The following NEK6 variants were observed in gnomAD, a reference collection of about 807,000 sequenced individuals.
The protein encoded by NEK6 is serine/threonine-protein kinase Nek6.
NEK6 carries 27 observed loss-of-function variants against 43.5 expected under a neutral mutation model. The ratio of observed to expected loss-of-function variants is 0.62; its 90% CI spans 0.46 to 0.86. The LOEUF (loss-of-function observed/expected upper bound fraction) is 0.86, where lower values mean the gene tolerates loss of function less well. Among genes scored for constraint, NEK6 ranks in the 40% least tolerant of loss-of-function variants. NEK6 has a pLI of 0.00. For missense variants in NEK6, 318 were observed against 414.4 expected (o/e 0.77, Z 2.02); for synonymous variants, 167 against 164.1 (o/e 1.02, Z -0.14).
chr9:124,262,507 AT>A (rs1831071571), intron 1 of NEK6, among the ~76,000 whole-genome samples: 1 of 152,156 alleles, frequency 6.6e-6, no homozygotes, highest in Non-Finnish European at 1.5e-5. Flanking sequence ...CCAATTCTGG[AT>A]TTTTCCACAG....
chr9:124,334,174 A>G (rs1829173703), intron 7 of NEK6, among the ~76,000 whole-genome samples: 2 of 152,204 alleles, frequency 1.3e-5, no homozygotes, highest in Non-Finnish European at 2.9e-5. Flanking sequence ...CACTCCTGCA[A>G]GGTCCCAGCA....
At chr9:124,304,214 G>A (rs890139624) in intron 2 of NEK6, among the ~76,000 whole-genome samples, 29 of 152,364 alleles carry the variant, frequency 1.9e-4, no homozygotes, top group Non-Finnish European at 3.1e-4. Context: ...TGAAGCCTTG[G>A]GGATTTAAAC....
intron 1 of NEK6, among the ~76,000 whole-genome samples, chr9:124,270,908 G>A (rs575098381): frequency 4.6e-5 from 7 of 152,358 alleles, no homozygotes; most frequent in East Asian, 1.9e-4. Flanking sequence ...TCCCTTCTTA[G>A]GGCAGGGCCA....
chr9:124,288,785 G>A (rs921904508), intron 1 of NEK6, among the ~76,000 whole-genome samples: 4 of 152,076 alleles, frequency 2.6e-5, no homozygotes, highest in African/African-American at 4.8e-5. Flanking sequence ...GCGGATGGAG[G>A]CAGCACCGAA....
At chr9:124,341,097 C>T (rs1829591733) in intron 8 of NEK6, among the ~76,000 whole-genome samples, 1 of 152,158 alleles carries the variant, frequency 6.6e-6, no homozygotes, top group Non-Finnish European at 1.5e-5. Context: ...GGCTGGAGGG[C>T]AGTGGCGCAA....
At chr9:124,339,424 C>T in intron 7 of NEK6, 147 bp from the exon 8 acceptor site, 1 of 687,288 alleles carries the variant, frequency 1.5e-6, no homozygotes, top group South Asian at 1.6e-5. Context: ...CAGAGGAAGG[C>T]CCAGGCCCAG....
chr9:124,343,146 G>A lies in NEK6; in HGVS notation c.717+3481G>A, dbSNP rs770132118. On this transcript the variant is annotated intron_variant, in intron 8 of 9. Coordinates refer to ENST00000320246, the MANE Select transcript of NEK6 (RefSeq NM_014397.6). This position sits in a 1 kb window ranked among gnomAD's most constrained non-coding sequence, Gnocchi z 5.1. ...GCCTTCGTGACTCCCTGGCATTGAGGCTCGGGTTACGCCGAGCTGACTCAT... is the reference window on the plus strand; with the variant it reads ...GCCTTCGTGACTCCCTGGCATTGAGACTCGGGTTACGCCGAGCTGACTCAT... 1.3e-5 allele frequency among the ~76,000 whole-genome samples: 2 copies of A among 152,060 alleles called. No homozygotes were observed. The highest frequency in any genetic ancestry group is 2.4e-5 in the African/African-American group (1 of 41,382).
At chr9:124,278,903 G>A (rs1179211124) in intron 1 of NEK6, among the ~76,000 whole-genome samples, 1 of 152,174 alleles carries the variant, frequency 6.6e-6, no homozygotes, top group Admixed American at 6.5e-5. Flanking sequence ...TGGAGACCAG[G>A]GTGGGGGGAC....
chr9:124,330,689 G>T (rs1028518957), intron 7 of NEK6, among the ~76,000 whole-genome samples: 1 of 152,252 alleles, frequency 6.6e-6, no homozygotes, highest in African/African-American at 2.4e-5. Context: ...AAACTGCCTG[G>T]CCCTGGGCTG....
intron 1 of NEK6, among the ~76,000 whole-genome samples, chr9:124,293,759 C>T (rs1037496153): frequency 2.0e-5 from 3 of 152,300 alleles, no homozygotes; most frequent in Admixed American, 6.5e-5. Flanking sequence ...CTCTTTTCAC[C>T]GGGCCTGGGT....
At chr9:124,292,566 C>G in intron 1 of NEK6, 1 of 1,536,740 alleles carries the variant, frequency 6.5e-7, no homozygotes. Flanking sequence ...CACCGAAGCC[C>G]TCCAGCCCCC....
chr9:124,326,219 T>G lies in NEK6; in HGVS notation c.406-111T>G. The G allele has an allele frequency of 1.4e-4, 11 of 81,222 alleles. No individual in the cohort carries two copies. The highest frequency in any genetic ancestry group is 2.4e-4 in the East Asian group (2 of 8,164). 5.0% of individuals were successfully genotyped at this position (81,222 alleles called of 1,614,324 possible). A position where few individuals can be genotyped will look rare whatever the true frequency, so the allele number is the denominator to read the frequency against. On this transcript the variant is annotated intron_variant, in intron 5 of 9. Coordinates refer to ENST00000320246, the MANE Select transcript of NEK6 (RefSeq NM_014397.6). This position sits in a 1 kb window ranked among gnomAD's most constrained non-coding sequence, Gnocchi z 4.5. ...TGGCTCAATCCCCCCCCCCCGCCCCTGCCAGGCACCAGTTACCCACTGGGG... is the reference window on the plus strand; with the variant it reads ...TGGCTCAATCCCCCCCCCCCGCCCCGGCCAGGCACCAGTTACCCACTGGGG...
chr9:124,269,747 G>A (rs909211196), intron 1 of NEK6, among the ~76,000 whole-genome samples: 4 of 152,166 alleles, frequency 2.6e-5, no homozygotes, highest in Admixed American at 2.6e-4. Context: ...CCGGTGCCTG[G>A]CACATAGTAG....
intron 7 of NEK6, among the ~76,000 whole-genome samples, chr9:124,332,119 G>T (rs747410849): frequency 2.0e-5 from 3 of 152,258 alleles, no homozygotes; most frequent in Non-Finnish European, 2.9e-5. Flanking sequence ...TAAGGGGCCA[G>T]CAAGTGAGGA....
At position 124,257,970 on chromosome 9, in the gene NEK6, C is replaced by T. The variant is rs1311491198; in HGVS notation, c.-145C>T. 1.5e-5 allele frequency: 15 copies of T among 978,454 alleles called. No individual in the cohort carries two copies. Among genetic ancestry groups the T allele is most frequent in the Non-Finnish European group, 1.8e-5 (15 of 827,350 alleles). The allele number at this position is 978,454 out of a possible 1,614,324, so 60.6% of individuals were successfully genotyped here. A position where few individuals can be genotyped will look rare whatever the true frequency, so the allele number is the denominator to read the frequency against. The stretch of plus-strand genomic sequence containing the variant: ...GCAGGCGGTGGCGGCGGCGGCGGAA[C>T]CGAGCTGACGGGCGTGCGGCCGCTG... On this transcript the variant is annotated 5_prime_UTR_variant, in exon 1 of 10. Coordinates refer to ENST00000320246, the MANE Select transcript of NEK6 (RefSeq NM_014397.6).
chr9:124,266,676 T>A (rs55719149), intron 1 of NEK6, among the ~76,000 whole-genome samples: 2,450 of 152,372 alleles, frequency 0.016, 74 homozygotes, highest in African/African-American at 0.055. Flanking sequence ...GTGTTCTCCA[T>A]GGCCAGCATT....
chr9:124,340,372 C>T lies in NEK6; in HGVS notation c.717+707C>T, dbSNP rs142501254. 1.1e-3 allele frequency among the ~76,000 whole-genome samples: 162 copies of T among 152,286 alleles called. 1 individual carries two copies. Among genetic ancestry groups the T allele is most frequent in the African/African-American group, 3.6e-3 (151 of 41,554 alleles). On this transcript the variant is annotated intron_variant, in intron 8 of 9. Transcript: ENST00000320246. ...TTGGCCATGAAGCTCTTGCAGCCAC[C>T]GGCAGGAGGGAGGCCTAAGTTCTCC...
chr9:124,291,772 G>A, intron 1 of NEK6: 4 of 968,128 alleles, frequency 4.1e-6, no homozygotes, highest in Non-Finnish European at 4.9e-6. Flanking sequence ...GTCTAATCGG[G>A]TGGTGCTGCC....
At chr9:124,261,481 T>A in intron 1 of NEK6, 22 of 985,484 alleles carry the variant, frequency 2.2e-5, no homozygotes, top group Non-Finnish European at 2.7e-5. Context: ...GAGATGAGGC[T>A]GGGACACTGT....
Sources: allele counts gnomAD v4.1 joint callset (sites outside exome capture counted in the v4.1 genomes callset), GRCh38; gene constraint gnomAD v4.1.1; non-coding constraint Gnocchi (gnomAD v3.1); transcripts MANE v1.5; gene names NCBI Gene and HGNC (gene_info 2026-07-23, HGNC 2026-07-21).